MAGI3: variants seen among roughly 807,000 people sequenced by gnomAD.
MAGI3 encodes the protein membrane-associated guanylate kinase, WW and PDZ domain-containing protein 3.
A neutral mutation model predicts 121.8 loss-of-function variants in MAGI3; 43 were observed. The observed-to-expected ratio is 0.35, with a 90% CI of 0.28 to 0.46. The LOEUF is 0.46. MAGI3 is among the 20% of genes least tolerant of loss of function. MAGI3 has a pLI of 1.00. For missense variants in MAGI3, 1,547 were observed against 1,797.3 expected, an observed-to-expected ratio of 0.86 and a Z score of 2.52; for synonymous variants, 553 against 639.3, an observed-to-expected ratio of 0.86 and a Z score of 2.04.
intron 1 of MAGI3, among the ~76,000 whole-genome samples, chr1:113,392,795 C>T (rs1650898215): frequency 6.6e-6 from 1 of 152,006 alleles, no homozygotes; most frequent in African/African-American, 2.4e-5. Context: ...CTTTTACAGC[C>T]ATGTGTGAAA....
chr1:113,481,689 A>G (rs1368744513), intron 1 of MAGI3, among the ~76,000 whole-genome samples: 2 of 152,228 alleles, frequency 1.3e-5, no homozygotes, highest in African/African-American at 2.4e-5. Flanking sequence ...AGTGTTTACC[A>G]TGCAATCCCA....
At chr1:113,575,523 G>A (rs997895849) in intron 2 of MAGI3, among the ~76,000 whole-genome samples, 3 of 152,212 alleles carry the variant, frequency 2.0e-5, no homozygotes, top group Non-Finnish European at 4.4e-5. Flanking sequence ...AGCAGAGGCT[G>A]CAGAACAGCA....
chr1:113,437,861 TTCC>T (rs72385788), intron 1 of MAGI3, among the ~76,000 whole-genome samples: 2,217 of 53,986 alleles, frequency 0.041, 114 homozygotes, highest in Non-Finnish European at 0.045. Flanking sequence ...CTTCTTCTTC[TTCC>T]TCTTCTTCTT....
At chr1:113,578,615 G>T (rs1296113242) in intron 2 of MAGI3, among the ~76,000 whole-genome samples, 1 of 152,042 alleles carries the variant, frequency 6.6e-6, no homozygotes, top group Non-Finnish European at 1.5e-5. Flanking sequence ...TAGAGACGAG[G>T]TCTTACTATG....
intron 1 of MAGI3, among the ~76,000 whole-genome samples, chr1:113,504,438 G>A (rs1399806367): frequency 6.6e-6 from 1 of 152,050 alleles, no homozygotes; most frequent in Non-Finnish European, 1.5e-5. Context: ...AATTTAGATG[G>A]TCAGTAATGT....
At chr1:113,542,106 AG>A (rs757431426) in intron 1 of MAGI3, among the ~76,000 whole-genome samples, 1 of 152,148 alleles carries the variant, frequency 6.6e-6, no homozygotes, top group Non-Finnish European at 1.5e-5. Flanking sequence ...TCTGTACAGT[AG>A]TCCCCCCCTC....
intron 1 of MAGI3, among the ~76,000 whole-genome samples, chr1:113,514,690 G>T (rs1182046173): frequency 6.6e-6 from 1 of 152,104 alleles, no homozygotes; most frequent in African/African-American, 2.4e-5. Flanking sequence ...ATGAGTTAAT[G>T]GGTGCAGCAC....
At chr1:113,664,067 T>G (rs1653917937) in intron 16 of MAGI3, among the ~76,000 whole-genome samples, 1 of 152,248 alleles carries the variant, frequency 6.6e-6, no homozygotes, top group African/African-American at 2.4e-5. Context: ...TCTTTTTTAT[T>G]GTTGAATTGT....
chr1:113,412,237 G>A (rs566926499), intron 1 of MAGI3, among the ~76,000 whole-genome samples: 1 of 152,174 alleles, frequency 6.6e-6, no homozygotes, highest in South Asian at 2.1e-4. Context: ...ATTCCATGGT[G>A]TATATGTGCC....
Position 113,422,409 on chromosome 1 carries a change from C to T in MAGI3, c.316+31060C>T, listed in dbSNP as rs1020752125. ...GAGTTTTGCTCGCACCTGCTGGGCT[C>T]GTTCTGCCCACTTGGCCTGTCAGGC... is the stretch of plus-strand genomic sequence containing the variant. On this transcript the variant is annotated intron_variant, in intron 1 of 20. Transcript: ENST00000307546. The surrounding 1 kb of genome is among the most constrained non-coding windows in gnomAD (Gnocchi z 4.3). 2.0e-5 allele frequency among the ~76,000 whole-genome samples: 3 copies of T among 152,242 alleles called. No homozygotes were observed. The highest frequency in any genetic ancestry group is 4.4e-5 in the Non-Finnish European group (3 of 68,046).
In MAGI3 at chr1:113,683,483, G is replaced by T. The variant is rs749336880; in HGVS notation, c.3915G>T (p.Glu1305Asp). 6.2e-7 allele frequency: 1 copy of T among 1,613,926 alleles called. No homozygotes were observed. Residue 1305 changes from glutamate to aspartate, a missense_variant, in exon 21 of 21, where the codon GAG becomes GAT. Transcript: ENST00000307546. ...GAAGCAAAGCTCCATCAAATGCTGA[G>T]GCCAAATTATTAGAGGGTAAGAGTC... ...IEGSKAPSNAEAKLLEGKSRR... is the reference protein window; with the variant it reads ...IEGSKAPSNADAKLLEGKSRR...
intron 12 of MAGI3, among the ~76,000 whole-genome samples, chr1:113,648,025 C>T (rs186404674): frequency 1.4e-3 from 220 of 151,768 alleles, no homozygotes; most frequent in African/African-American, 5.2e-3. Flanking sequence ...TAGGTTCAAG[C>T]AATTCTCCTG....
intron 1 of MAGI3, among the ~76,000 whole-genome samples, chr1:113,416,282 CAT>C (rs1370172628): frequency 4.0e-5 from 1 of 24,932 alleles, no homozygotes; most frequent in African/African-American, 2.4e-4. Flanking sequence ...ATTAATTACA[CAT>C]ATTAATTATG....
chr1:113,425,344 G>A (rs1320148282), intron 1 of MAGI3, among the ~76,000 whole-genome samples: 4 of 135,834 alleles, frequency 2.9e-5, no homozygotes, highest in Non-Finnish European at 1.5e-5. Flanking sequence ...GTGCAGTGGC[G>A]CGATCTCAGC....
rs770221541 is a variant in MAGI3 at position 113,672,706 on chromosome 1, G to A, written c.3010G>A (p.Ala1004Thr). ...CAAGCACCTTGCACAGCCTGACACC[G>A]CAGTAATTTCAGTTGTAGGCAGTCG... ...DHKHLAQPDT[A>T]VISVVGSRHN... is the part of the protein sequence containing the mutation. The change falls in exon 18 of 21, where the codon GCA becomes ACA. Residue 1004 changes from alanine (A) to threonine (T), a missense_variant. Ala to Thr is a moderately conservative substitution (Grantham distance 58). Transcript: ENST00000307546. The A allele has an allele frequency of 2.2e-5, 35 of 1,612,858 alleles. No homozygotes were observed. Among genetic ancestry groups the A allele is most frequent in the Admixed American group, 6.7e-5 (4 of 59,810 alleles).
In MAGI3 at chr1:113,390,990, G is replaced by C. The variant is rs911335700; in HGVS notation, c.-44G>C. 6.7e-7 allele frequency: 1 copy of C among 1,483,224 alleles called. No individual in the cohort carries two copies. Among genetic ancestry groups the C allele is most frequent in the Non-Finnish European group, 8.9e-7 (1 of 1,122,542 alleles). The allele number at this position is 1,483,224 out of a possible 1,614,324, so 91.9% of individuals were successfully genotyped here. A position where few individuals can be genotyped will look rare whatever the true frequency, so the allele number is the denominator to read the frequency against. ...TGAGACGGGGCCGGAGCGGCGCCCCGGCCGCCCGCGCGGGGTCTCCCCCAT... is the reference window on the plus strand; with the variant it reads ...TGAGACGGGGCCGGAGCGGCGCCCCCGCCGCCCGCGCGGGGTCTCCCCCAT... On this transcript the variant is annotated 5_prime_UTR_variant, in exon 1 of 21. Coordinates refer to ENST00000307546, the MANE Select transcript of MAGI3 (RefSeq NM_001142782.2).
chr1:113,648,114 G>T (rs1570996569), intron 12 of MAGI3, among the ~76,000 whole-genome samples: 1 of 151,954 alleles, frequency 6.6e-6, no homozygotes, highest in East Asian at 1.9e-4. Flanking sequence ...GTAGAGACGG[G>T]GTTTCACCAT....
At chr1:113,415,716 C>T (rs1444848022) in intron 1 of MAGI3, among the ~76,000 whole-genome samples, 1 of 152,000 alleles carries the variant, frequency 6.6e-6, no homozygotes, top group African/African-American at 2.4e-5. Flanking sequence ...GTTATTCTCT[C>T]CTACACCAAT....
intron 1 of MAGI3, among the ~76,000 whole-genome samples, chr1:113,441,906 C>T (rs1653934326): frequency 1.3e-5 from 2 of 152,140 alleles, no homozygotes; most frequent in South Asian, 4.1e-4. Flanking sequence ...GGTCTTTACT[C>T]AGAGAGCTTA....
Sources: gnomAD v4.1 joint callset for allele counts (sites outside exome capture counted in the v4.1 genomes callset) on GRCh38, gnomAD v4.1.1 for gene constraint, Gnocchi (gnomAD v3.1) non-coding constraint, MANE v1.5 for transcripts, NCBI Gene and HGNC (gene_info 2026-07-23, HGNC 2026-07-21) for gene names.